The following TBC1D4 variants were observed in gnomAD, a reference collection of about 807,000 sequenced individuals.
TBC1D4 encodes TBC1 domain family member 4, also known as TBC (Tre-2, BUB2, CDC16) domain-containing protein.
TBC1D4 carries 121 observed loss-of-function variants against 142.5 expected under a neutral mutation model. That is an observed-to-expected ratio of 0.85 (90% CI 0.73 to 0.99). TBC1D4 has a LOEUF of 0.99. Among genes scored for constraint, TBC1D4 ranks in the 50% least tolerant of loss-of-function variants. The pLI is 0.00. For missense variants in TBC1D4, 1,475 were observed against 1,606.6 expected, an observed-to-expected ratio of 0.92 and a Z score of 1.40; for synonymous variants, 630 against 628.2, an observed-to-expected ratio of 1.00 and a Z score of -0.04.
chr13:75,453,810 C>T (rs1022771454), intron 1 of TBC1D4, among the ~76,000 whole-genome samples: 2 of 150,584 alleles, frequency 1.3e-5, no homozygotes, highest in Admixed American at 6.6e-5. Flanking sequence ...TGCAGTGAGC[C>T]GTGATAGTGC....
chr13:75,351,535 C>A (rs985409032), intron 4 of TBC1D4, among the ~76,000 whole-genome samples: 6 of 152,022 alleles, frequency 3.9e-5, no homozygotes, highest in African/African-American at 1.2e-4. Context: ...CGTCATTTAG[C>A]ATTAGGTATA....
At chr13:75,472,110 A>C (rs1888431795) in intron 1 of TBC1D4, among the ~76,000 whole-genome samples, 2 of 143,018 alleles carry the variant, frequency 1.4e-5, no homozygotes, top group Admixed American at 1.4e-4. Context: ...CTGTCTCAAA[A>C]AAAAAAAAAA....
At chr13:75,303,047 G>C (rs922631679) in intron 15 of TBC1D4, among the ~76,000 whole-genome samples, 2 of 152,202 alleles carry the variant, frequency 1.3e-5, no homozygotes, top group Non-Finnish European at 1.5e-5. Context: ...GCCAGGTACG[G>C]TGGCTCATGC....
chr13:75,360,696 G>A (rs78442847), intron 2 of TBC1D4, among the ~76,000 whole-genome samples: 2,409 of 152,262 alleles, frequency 0.016, 66 homozygotes, highest in African/African-American at 0.056. Context: ...TGTGTTCTGT[G>A]TGGGATTACT....
Position 75,306,332 on chromosome 13 carries a change from A to C in TBC1D4, c.2733T>G (p.Ile911Met), listed in dbSNP as rs779699251. 2 of 1,612,000 alleles carry C rather than the reference A, an allele frequency of 1.2e-6. No homozygotes were observed. The highest frequency in any genetic ancestry group is 1.7e-6 in the Non-Finnish European group (2 of 1,179,612). Reference protein sequence around the residue: ...RAKIRCDMEDIHTLLKEGVPK... With the variant: ...RAKIRCDMEDMHTLLKEGVPK... The stretch of plus-strand genomic sequence containing the variant: ...AAATACCTTCTTTAAGAAGAGTATG[A>C]ATATCTTCCATATCACATCTGATTT... The change falls in exon 15 of 21, where the codon ATT (isoleucine) becomes ATG (methionine). Residue 911 changes from isoleucine to methionine, a missense_variant. Around this residue, in one of 2 missense-constraint regions of TBC1D4, gnomAD observed 1,227 missense variants for 1,267.7 expected, o/e 0.97. Transcript: ENST00000377636.
At chr13:75,409,401 A>G (rs2138387016) in intron 1 of TBC1D4, among the ~76,000 whole-genome samples, 1 of 152,324 alleles carries the variant, frequency 6.6e-6, no homozygotes, top group African/African-American at 2.4e-5. Flanking sequence ...CAATTTAGAA[A>G]TAGGAAAGTA....
chr13:75,409,924 T>G (rs538393283), intron 1 of TBC1D4, among the ~76,000 whole-genome samples: 1 of 152,332 alleles, frequency 6.6e-6, no homozygotes, highest in East Asian at 1.9e-4. Flanking sequence ...ATCCAAAATT[T>G]CTTTCAAATA....
At chr13:75,308,642 A>G (rs7986562) in intron 14 of TBC1D4, among the ~76,000 whole-genome samples, 69,313 of 152,000 alleles carry the variant, frequency 0.46, 16,258 homozygotes, top group South Asian at 0.65. Context: ...TTTTTTGAGG[A>G]AAGGATGACC....
chr13:75,375,333 T>G (rs942467301), intron 1 of TBC1D4, among the ~76,000 whole-genome samples: 1 of 152,222 alleles, frequency 6.6e-6, no homozygotes, highest in African/African-American at 2.4e-5. Context: ...CCCAGGGTCC[T>G]TTCACATAGG....
At chr13:75,435,064 A>G (rs904950094) in intron 1 of TBC1D4, among the ~76,000 whole-genome samples, 2 of 151,882 alleles carry the variant, frequency 1.3e-5, no homozygotes, top group Admixed American at 6.6e-5. Context: ...AACCCATTAT[A>G]TAATTACCTG....
intron 1 of TBC1D4, among the ~76,000 whole-genome samples, chr13:75,425,710 C>T (rs754703377): frequency 7.2e-4 from 110 of 152,160 alleles, no homozygotes; most frequent in Non-Finnish European, 1.3e-3. Flanking sequence ...ATAAGCCAGG[C>T]ACAGAAAGAC....
At chr13:75,418,937 C>T (rs1886039944) in intron 1 of TBC1D4, among the ~76,000 whole-genome samples, 1 of 152,186 alleles carries the variant, frequency 6.6e-6, no homozygotes, top group East Asian at 1.9e-4. Context: ...AAAATAGGAG[C>T]AGCCACTATC....
rs536729372 is a variant in TBC1D4, at chr13:75,385,673, G to A, written c.499-23066C>T. Among the ~76,000 whole-genome samples, 8 of 152,276 alleles carry A rather than the reference G, an allele frequency of 5.3e-5. No individual in the cohort carries two copies. The East Asian group carries it at 1.2e-3, about 22-fold the overall frequency. Reference sequence around the variant, plus strand: ...TAGATAATAATAGCTATCACTAACGGAGCACTTACGTGCTGGGCACTGTTC... The same window carrying A: ...TAGATAATAATAGCTATCACTAACGAAGCACTTACGTGCTGGGCACTGTTC... On this transcript the variant is annotated intron_variant, in intron 1 of 20. Coordinates refer to ENST00000377636, the MANE Select transcript of TBC1D4 (RefSeq NM_014832.5).
At chr13:75,382,103 G>A (rs1018051421) in intron 1 of TBC1D4, among the ~76,000 whole-genome samples, 9 of 151,834 alleles carry the variant, frequency 5.9e-5, no homozygotes, top group African/African-American at 1.9e-4. Flanking sequence ...TCCACTTGGC[G>A]ATTAGCTCTT....
At chr13:75,292,964 G>C (rs914253757) in intron 18 of TBC1D4, among the ~76,000 whole-genome samples, 1 of 152,158 alleles carries the variant, frequency 6.6e-6, no homozygotes, top group African/African-American at 2.4e-5. Context: ...AGACCAGCCT[G>C]GTCAACATGG....
intron 1 of TBC1D4, among the ~76,000 whole-genome samples, chr13:75,474,821 G>C (rs1003354611): frequency 6.6e-6 from 1 of 151,930 alleles, no homozygotes; most frequent in East Asian, 1.9e-4. Context: ...ATTTTTAGTA[G>C]AGATGGGGTT....
chr13:75,421,433 C>T (rs1038486781), intron 1 of TBC1D4, among the ~76,000 whole-genome samples: 1 of 152,184 alleles, frequency 6.6e-6, no homozygotes, highest in Non-Finnish European at 1.5e-5. Flanking sequence ...TTTGCAACCC[C>T]TGATGGGAGA....
chr13:75,293,849 T>C (rs904137798), intron 18 of TBC1D4, among the ~76,000 whole-genome samples: 7 of 152,222 alleles, frequency 4.6e-5, no homozygotes, highest in Non-Finnish European at 8.8e-5. Flanking sequence ...TCCTTACTAT[T>C]TGTAATATTC....
chr13:75,465,926 T>G (rs1888148363), intron 1 of TBC1D4, among the ~76,000 whole-genome samples: 1 of 152,184 alleles, frequency 6.6e-6, no homozygotes, highest in African/African-American at 2.4e-5. Flanking sequence ...AATCTTTTAA[T>G]CTACCTGTGA....
Sources: allele counts gnomAD v4.1 joint callset (sites outside exome capture counted in the v4.1 genomes callset), GRCh38; gene constraint gnomAD v4.1.1; regional missense constraint gnomAD v4.1.1; transcripts MANE v1.5; gene names NCBI Gene and HGNC (gene_info 2026-07-23, HGNC 2026-07-21).